Variants in LRRC37A3 observed in about 807,000 individuals in gnomAD.
The protein encoded by LRRC37A3 is leucine rich repeat containing 37 member A3, also known as leucine-rich repeat-containing protein 37A3.
LRRC37A3 carries 25 observed loss-of-function variants against 106.2 expected under a neutral mutation model. The ratio of observed to expected loss-of-function variants is 0.24; its 90% confidence interval spans 0.17 to 0.33. The LOEUF (loss-of-function observed/expected upper bound fraction) is 0.33, where lower values mean the gene tolerates loss of function less well. Among genes scored for constraint, LRRC37A3 ranks in the 10% least tolerant of loss-of-function variants. The probability of loss-of-function intolerance (pLI) is 1.00; values close to 1 mark genes in which losing one functional copy is unlikely to be tolerated. For missense variants in LRRC37A3, 712 were observed against 1,644.9 expected, an observed-to-expected ratio of 0.43 and a Z score of 9.81; for synonymous variants, 305 against 635.8, an observed-to-expected ratio of 0.48 and a Z score of 7.83.
At chr17:64,869,707 A>G (rs931097333) in intron 8 of LRRC37A3, among the ~76,000 whole-genome samples, 4 of 151,234 alleles carry the variant, frequency 2.6e-5, no homozygotes, top group Non-Finnish European at 4.4e-5. Flanking sequence ...CGCCCAGCTA[A>G]TTTTTGTATT....
intron 8 of LRRC37A3, among the ~76,000 whole-genome samples, chr17:64,877,986 C>T (rs1427812184): frequency 1.3e-5 from 2 of 152,080 alleles, no homozygotes; most frequent in Non-Finnish European, 2.9e-5. Context: ...CCCTACATCT[C>T]ACACGATTAT....
In LRRC37A3 at chr17:64,854,759, C is replaced by A. The variant is rs954719488; in HGVS notation, c.4860-115G>T. On this transcript the variant is annotated intron_variant, in intron 14 of 14. Coordinates refer to ENST00000584306, the MANE Select transcript of LRRC37A3 (RefSeq NM_199340.5). Reference sequence around the variant, plus strand: ...AGGGCCCCGTCATTTACCCAGGGTCCCTGTTGAGGATCTTGTCCTCATTAG... The same window carrying A: ...AGGGCCCCGTCATTTACCCAGGGTCACTGTTGAGGATCTTGTCCTCATTAG... 8.4e-5 allele frequency: 136 copies of A among 1,611,864 alleles called. 3 individuals are homozygous for A. The Admixed American group carries it at 2.2e-3, about 27-fold the overall frequency.
intron 13 of LRRC37A3, among the ~76,000 whole-genome samples, chr17:64,857,055 G>A (rs1483685393): frequency 6.6e-6 from 1 of 152,124 alleles, no homozygotes; most frequent in Non-Finnish European, 1.5e-5. Flanking sequence ...TATTGGAAAG[G>A]AAGAGACAAA....
intron 2 of LRRC37A3, among the ~76,000 whole-genome samples, chr17:64,903,675 C>A (rs1238449242): frequency 1.3e-5 from 2 of 151,410 alleles, no homozygotes; most frequent in Non-Finnish European, 2.9e-5. Context: ...TGGGCATCAT[C>A]CATGAAAGCC....
At chr17:64,880,619 A>C (rs1205205475) in intron 8 of LRRC37A3, among the ~76,000 whole-genome samples, 3 of 152,226 alleles carry the variant, frequency 2.0e-5, no homozygotes. Flanking sequence ...TCTCAGAGTA[A>C]AAGTTTAAGA....
chr17:64,863,241 G>C, intron 10 of LRRC37A3: 1 of 575,148 alleles, frequency 1.7e-6, no homozygotes, highest in South Asian at 2.0e-5. Flanking sequence ...AAAGATGGTT[G>C]GGATTAGAAT....
Position 64,910,164 on chromosome 17 carries a change from T to TA in LRRC37A3, c.-496+8585dup, listed in dbSNP as rs1204218480. On this transcript the variant is annotated intron_variant, in intron 2 of 14. Transcript: ENST00000584306. ...TTTAATTAATTTCTCGTATTTTTAA[T>TA]AAAAACTTTGCCTATATATTTTAGA... is the stretch of plus-strand genomic sequence containing the variant. 6 of 152,488 alleles carry TA rather than the reference T, an allele frequency of 3.9e-5. No homozygotes were observed. In the East Asian group the frequency reaches 1.2e-3, roughly 29 times the overall value. The allele number at this position is 152,488 out of a possible 1,614,324, so 9.4% of individuals were successfully genotyped here. A position where few individuals can be genotyped will look rare whatever the true frequency, so the allele number is the denominator to read the frequency against.
At position 64,862,782 on chromosome 17, in the gene LRRC37A3, G is replaced by A. The variant is rs886644954; in HGVS notation, c.3172+118C>T. 18 of 1,249,906 alleles carry A rather than the reference G, an allele frequency of 1.4e-5. No homozygotes were observed. In the African/African-American group the frequency reaches 2.6e-4, roughly 18 times the overall value. The allele number at this position is 1,249,906 out of a possible 1,614,324, so 77.4% of individuals were successfully genotyped here. A position where few individuals can be genotyped will look rare whatever the true frequency, so the allele number is the denominator to read the frequency against. On this transcript the variant is annotated intron_variant, in intron 11 of 14. Transcript: ENST00000584306. ...AAATTGAGGGAGTTTAACTCTGAAT[G>A]AGTAAATAAAAATAAAGCAATTATG...
chr17:64,877,202 C>T (rs1417006098), intron 8 of LRRC37A3, among the ~76,000 whole-genome samples: 3 of 151,782 alleles, frequency 2.0e-5, no homozygotes, highest in African/African-American at 7.3e-5. Flanking sequence ...GCCTGATAAA[C>T]GTGCTGAAAC....
At chr17:64,855,143 G>T (rs1240724102) in intron 14 of LRRC37A3, among the ~76,000 whole-genome samples, 1 of 152,066 alleles carries the variant, frequency 6.6e-6, no homozygotes. Flanking sequence ...ATTCTGTGAG[G>T]TTTGCATAAA....
chr17:64,868,295 G>T (rs1197868185), intron 10 of LRRC37A3, among the ~76,000 whole-genome samples, 167 bp downstream of exon 10: 2 of 152,002 alleles, frequency 1.3e-5, no homozygotes, highest in Non-Finnish European at 2.9e-5. Flanking sequence ...GGAATGTGGT[G>T]GTGGTTATGT....
intron 8 of LRRC37A3, among the ~76,000 whole-genome samples, chr17:64,881,818 C>T (rs1973709750): frequency 2.0e-5 from 3 of 150,656 alleles, no homozygotes; most frequent in Non-Finnish European, 2.9e-5. Context: ...CATCATGTCA[C>T]ACCAGCACTG....
intron 2 of LRRC37A3, among the ~76,000 whole-genome samples, chr17:64,910,351 C>G (rs1974561497): frequency 2.0e-5 from 3 of 152,278 alleles, no homozygotes; most frequent in Admixed American, 2.0e-4. Flanking sequence ...ATATTACAGG[C>G]AATTACTCAT....
chr17:64,856,461 T>C (rs1485940724), intron 13 of LRRC37A3, among the ~76,000 whole-genome samples: 1 of 150,008 alleles, frequency 6.7e-6, no homozygotes, highest in Non-Finnish European at 1.5e-5. Context: ...GGATTACAAG[T>C]GTGAGCCACC....
intron 12 of LRRC37A3, among the ~76,000 whole-genome samples, chr17:64,859,126 A>AT (rs989789418): frequency 8.4e-4 from 128 of 151,962 alleles, no homozygotes; most frequent in African/African-American, 3.1e-3. Context: ...TAATTTTCTT[A>AT]TTTTTTGTGG....
intron 8 of LRRC37A3, among the ~76,000 whole-genome samples, chr17:64,875,948 T>C (rs1973498922): frequency 6.6e-6 from 1 of 152,116 alleles, no homozygotes; most frequent in Non-Finnish European, 1.5e-5. Context: ...TTGTATACCA[T>C]TGAAACAAAG....
intron 8 of LRRC37A3, among the ~76,000 whole-genome samples, chr17:64,882,525 A>G (rs1598416098): frequency 1.3e-5 from 2 of 152,198 alleles, no homozygotes; most frequent in Admixed American, 1.3e-4. Flanking sequence ...TTTTGTCTTT[A>G]ATGTTTGCAC....
Position 64,866,589 on chromosome 17 carries a change from CATATATATATATAT to C in LRRC37A3, c.3053+1859_3053+1872del, listed in dbSNP as rs1212670512. Reference sequence around the variant, plus strand: ...ATATATATATACATATATACACGTACATATATATATATATATATATATATATATATATATATATA... The same window carrying C: ...ATATATATATACATATATACACGTACATATATATATATATATATATATATA... On this transcript the variant is annotated intron_variant, in intron 10 of 14. Transcript: ENST00000584306. 2.2e-3 allele frequency among the ~76,000 whole-genome samples: 53 copies of C among 24,138 alleles called. 1 individual carries two copies. Among genetic ancestry groups the C allele is most frequent in the African/African-American group, 6.2e-3 (47 of 7,630 alleles). 15.8% of individuals were successfully genotyped at this position (24,138 alleles called of 152,430 possible). A position where few individuals can be genotyped will look rare whatever the true frequency, so the allele number is the denominator to read the frequency against.
At chr17:64,893,555 G>A (rs1974022771) in intron 4 of LRRC37A3, among the ~76,000 whole-genome samples, 1 of 138,804 alleles carries the variant, frequency 7.2e-6, no homozygotes. Flanking sequence ...CACAGATTCT[G>A]GCAAATTCTA....
Sources: allele counts gnomAD v4.1 joint callset (sites outside exome capture counted in the v4.1 genomes callset), GRCh38; gene constraint gnomAD v4.1.1; transcripts MANE v1.5; gene names NCBI Gene and HGNC (gene_info 2026-07-23, HGNC 2026-07-21).